The following CSMD1 variants were observed in gnomAD, a reference collection of about 807,000 sequenced individuals.
CSMD1 encodes the protein CUB and Sushi multiple domains 1.
Under a neutral mutation model 417.5 loss-of-function variants are expected in CSMD1, and 213 were observed. The observed-to-expected ratio is 0.51, with a 90% CI of 0.46 to 0.57. CSMD1 has a LOEUF of 0.57. Among genes scored for constraint, CSMD1 ranks in the 20% least tolerant of loss-of-function variants. The probability of loss-of-function intolerance (pLI) is 0.00; values close to 1 mark genes in which losing one functional copy is unlikely to be tolerated. For synonymous variants in CSMD1, 2,862 were observed against 1,736.8 expected (o/e 1.65, Z -16.11); for missense variants, 6,923 against 4,529.7 (o/e 1.53, Z -15.17).
At chr8:4,099,869 G>A (rs1313407830) in intron 3 of CSMD1, among the ~76,000 whole-genome samples, 4 of 152,060 alleles carry the variant, frequency 2.6e-5, no homozygotes, top group Non-Finnish European at 4.4e-5. Context: ...GTTTATTTAA[G>A]TTTTAGTTGT....
chr8:3,568,336 G>A (rs1563161760), intron 10 of CSMD1, among the ~76,000 whole-genome samples: 1 of 152,072 alleles, frequency 6.6e-6, no homozygotes, highest in East Asian at 1.9e-4. Context: ...TTATAGCTGA[G>A]TAATATTTCA....
chr8:4,858,038 C>T (rs1018869474), intron 1 of CSMD1, among the ~76,000 whole-genome samples: 1 of 152,120 alleles, frequency 6.6e-6, no homozygotes, highest in Non-Finnish European at 1.5e-5. Context: ...AAAACGAATG[C>T]AGCAGCACAT....
chr8:4,953,054 G>A (rs1808856888), intron 1 of CSMD1, among the ~76,000 whole-genome samples: 1 of 66,224 alleles, frequency 1.5e-5, no homozygotes, highest in African/African-American at 5.0e-5. Flanking sequence ...TACGTGAGCA[G>A]ATGTTAAGAC....
chr8:3,370,318 G>A (rs545786094), intron 18 of CSMD1, among the ~76,000 whole-genome samples: 7 of 152,298 alleles, frequency 4.6e-5, no homozygotes, highest in South Asian at 2.1e-4. Flanking sequence ...CACCAGAGCC[G>A]GAGGGTAGAG....
chr8:4,817,529 G>T (rs1194759791), intron 1 of CSMD1, among the ~76,000 whole-genome samples: 2 of 152,216 alleles, frequency 1.3e-5, no homozygotes, highest in Non-Finnish European at 2.9e-5. Context: ...AAAAGGCCAA[G>T]ACACTACTGC....
intron 5 of CSMD1, among the ~76,000 whole-genome samples, chr8:3,992,141 T>C (rs1010577427): frequency 6.6e-6 from 1 of 151,406 alleles, no homozygotes; most frequent in African/African-American, 2.4e-5. Flanking sequence ...TGTGTGTGTA[T>C]GTACATATAT....
intron 3 of CSMD1, among the ~76,000 whole-genome samples, chr8:4,332,547 TCACATACA>T (rs1279723753): frequency 2.7e-5 from 3 of 111,536 alleles, no homozygotes; most frequent in South Asian, 5.8e-4. Flanking sequence ...TGTCATGATA[TCACATACA>T]CACACACACA....
At chr8:4,836,557 T>G (rs927530023) in intron 1 of CSMD1, among the ~76,000 whole-genome samples, 1 of 152,234 alleles carries the variant, frequency 6.6e-6, no homozygotes, top group African/African-American at 2.4e-5. Flanking sequence ...ACAGAGAGGT[T>G]TGAACTTGAA....
intron 1 of CSMD1, among the ~76,000 whole-genome samples, chr8:4,937,352 G>T (rs758780300): frequency 6.6e-6 from 1 of 152,182 alleles, no homozygotes; most frequent in Non-Finnish European, 1.5e-5. Flanking sequence ...AATAGTGAAA[G>T]CACACCTGCT....
chr8:4,808,928 A>C (rs1157631017), intron 1 of CSMD1, among the ~76,000 whole-genome samples: 3 of 152,242 alleles, frequency 2.0e-5, no homozygotes, highest in Non-Finnish European at 4.4e-5. Flanking sequence ...ATTTGGGGTC[A>C]GAGATAGAAA....
intron 50 of CSMD1, among the ~76,000 whole-genome samples, chr8:3,042,876 T>C (rs951304167): frequency 6.6e-6 from 1 of 152,118 alleles, no homozygotes; most frequent in Non-Finnish European, 1.5e-5. Context: ...CAGAGTACTA[T>C]AGTGAATATA....
chr8:3,723,282 C>G (rs1802291783), intron 6 of CSMD1, among the ~76,000 whole-genome samples: 1 of 152,148 alleles, frequency 6.6e-6, no homozygotes, highest in African/African-American at 2.4e-5. Flanking sequence ...ATCCTCCTCA[C>G]ACTCAAAACC....
At chr8:2,998,965 A>G (rs75341190) in intron 53 of CSMD1, among the ~76,000 whole-genome samples, 15,028 of 152,144 alleles carry the variant, frequency 0.099, 771 homozygotes, top group African/African-American at 0.12. Context: ...TTTTATCCAC[A>G]TTTCTTTTGT....
At chr8:3,712,636 A>G (rs1314215849) in intron 6 of CSMD1, among the ~76,000 whole-genome samples, 3 of 152,208 alleles carry the variant, frequency 2.0e-5, no homozygotes, top group African/African-American at 7.2e-5. Flanking sequence ...CAGACCTGCT[A>G]AGTCACAATC....
intron 26 of CSMD1, among the ~76,000 whole-genome samples, chr8:3,272,972 A>C (rs932376639): frequency 7.3e-5 from 11 of 150,434 alleles, no homozygotes; most frequent in African/African-American, 2.2e-4. Context: ...CACTATGTTG[A>C]ATAGGAGTGG....
At chr8:3,719,785 T>C (rs1225235678) in intron 6 of CSMD1, among the ~76,000 whole-genome samples, 1 of 152,180 alleles carries the variant, frequency 6.6e-6, no homozygotes, top group Non-Finnish European at 1.5e-5. Context: ...TTTCCAGTTC[T>C]ACGTGTGTCC....
At position 4,312,465 on chromosome 8, in the gene CSMD1, GTATA is replaced by G. The variant is rs140158264; in HGVS notation, c.415+107484_415+107487del. 1.1e-4 allele frequency among the ~76,000 whole-genome samples: 13 copies of G among 119,246 alleles called. 1 individual carries two copies. Among genetic ancestry groups the G allele is most frequent in the Admixed American group, 1.6e-4 (2 of 12,884 alleles). The allele number at this position is 119,246 out of a possible 152,430, so 78.2% of individuals were successfully genotyped here. On this transcript the variant is annotated intron_variant, in intron 3 of 69. Coordinates refer to ENST00000635120, the MANE Select transcript of CSMD1 (RefSeq NM_033225.6). The stretch of plus-strand genomic sequence containing the variant: ...TATATATATACGTATATATATGCGC[GTATA>G]TATATATATACACATATAGAACTCT...
At chr8:3,922,119 T>C (rs1443405541) in intron 5 of CSMD1, among the ~76,000 whole-genome samples, 1 of 144,838 alleles carries the variant, frequency 6.9e-6, no homozygotes, top group Non-Finnish European at 1.6e-5. Flanking sequence ...CCTTTATCAT[T>C]ATATTATGAC....
chr8:3,372,307 A>T (rs1810007803), intron 18 of CSMD1, among the ~76,000 whole-genome samples: 1 of 152,076 alleles, frequency 6.6e-6, no homozygotes, highest in Non-Finnish European at 1.5e-5. Flanking sequence ...CAGAAAGGAC[A>T]CCTCTGTGAC....
Sources: allele counts gnomAD v4.1 joint callset (sites outside exome capture counted in the v4.1 genomes callset), GRCh38; gene constraint gnomAD v4.1.1; transcripts MANE v1.5; gene names NCBI Gene and HGNC (gene_info 2026-07-23, HGNC 2026-07-21).